The following PTPRT variants were observed in gnomAD, a reference collection of about 807,000 sequenced individuals.
The protein encoded by PTPRT is receptor-type tyrosine-protein phosphatase T.
In PTPRT, 56 loss-of-function variants were observed where a neutral mutation model predicts 176.8. The observed-to-expected ratio is 0.32, with a 90% CI of 0.26 to 0.40. PTPRT has a LOEUF of 0.40. Among genes scored for constraint, PTPRT ranks in the 10% least tolerant of loss-of-function variants. The pLI is 1.00. For synonymous variants in PTPRT, 783 were observed against 739.0 expected (o/e 1.06, Z -0.96); for missense variants, 1,540 against 1,908.2 (o/e 0.81, Z 3.60).
chr20:42,298,338 C>A (rs902588734), intron 12 of PTPRT, among the ~76,000 whole-genome samples: 1 of 152,078 alleles, frequency 6.6e-6, no homozygotes. Context: ...GAAAGTTAGA[C>A]CACACAAACT....
At position 42,098,572 on chromosome 20, in the gene PTPRT, G is replaced by C; in HGVS notation, c.3715-20C>G. On this transcript the variant is annotated intron_variant, in intron 26 of 30. Coordinates refer to ENST00000373187, the MANE Select transcript of PTPRT (RefSeq NM_007050.6). ...GTGGCTCTGACAAAGGAATGACACAGGCTTCGTAAATTACACATCCATCAG... is the reference window on the plus strand; with the variant it reads ...GTGGCTCTGACAAAGGAATGACACACGCTTCGTAAATTACACATCCATCAG... 6.2e-7 allele frequency: 1 copy of C among 1,613,750 alleles called. No homozygotes were observed. Among genetic ancestry groups the C allele is most frequent in the Non-Finnish European group, 8.5e-7 (1 of 1,179,846 alleles).
intron 17 of PTPRT, among the ~76,000 whole-genome samples, chr20:42,154,583 C>G (rs1210518635): frequency 1.3e-5 from 2 of 152,220 alleles, no homozygotes; most frequent in African/African-American, 4.8e-5. Context: ...CTGTAATAAC[C>G]AGTACCTTCT....
intron 1 of PTPRT, among the ~76,000 whole-genome samples, chr20:42,992,931 T>C (rs1984002306): frequency 6.6e-6 from 1 of 152,096 alleles, no homozygotes; most frequent in Admixed American, 6.5e-5. Flanking sequence ...TGTTACATGG[T>C]GACACAGAAC....
At chr20:43,117,815 C>T (rs1404301140) in intron 1 of PTPRT, among the ~76,000 whole-genome samples, 2 of 152,114 alleles carry the variant, frequency 1.3e-5, no homozygotes, top group Admixed American at 1.3e-4. Context: ...GGAAGCAATT[C>T]GCTCTCATTT....
intron 1 of PTPRT, among the ~76,000 whole-genome samples, chr20:43,108,046 T>G (rs78974092): frequency 6.6e-6 from 1 of 151,776 alleles, no homozygotes; most frequent in Non-Finnish European, 1.5e-5. Flanking sequence ...ATATCTCCCA[T>G]CTCCATTTCT....
At chr20:42,460,490 G>A (rs1205318043) in intron 8 of PTPRT, among the ~76,000 whole-genome samples, 1 of 152,188 alleles carries the variant, frequency 6.6e-6, no homozygotes, top group Non-Finnish European at 1.5e-5. Flanking sequence ...ATGGGAAAGA[G>A]TCCCAAGAAC....
intron 27 of PTPRT, among the ~76,000 whole-genome samples, chr20:42,096,137 A>G (rs546884343): frequency 4.7e-4 from 71 of 152,166 alleles, no homozygotes; most frequent in African/African-American, 1.7e-3. Context: ...CCTCCTGGCC[A>G]CTTCTGCAGT....
intron 6 of PTPRT, among the ~76,000 whole-genome samples, chr20:42,702,241 C>T (rs545179195): frequency 2.0e-5 from 3 of 152,238 alleles, no homozygotes; most frequent in African/African-American, 7.2e-5. Context: ...CATGATGGGC[C>T]TATTCTGACA....
At chr20:42,255,853 C>T (rs2056628772) in intron 13 of PTPRT, among the ~76,000 whole-genome samples, 1 of 152,186 alleles carries the variant, frequency 6.6e-6, no homozygotes, top group South Asian at 2.1e-4. Context: ...ATAAAGAAAG[C>T]AACCCGGCTC....
chr20:42,300,117 G>C (rs2057441507), intron 12 of PTPRT, among the ~76,000 whole-genome samples: 2 of 151,872 alleles, frequency 1.3e-5, no homozygotes, highest in Admixed American at 6.6e-5. Context: ...AATTAGCTGG[G>C]CATGATGGCC....
intron 16 of PTPRT, among the ~76,000 whole-genome samples, chr20:42,165,641 T>C (rs558187960): frequency 3.3e-5 from 5 of 152,248 alleles, no homozygotes; most frequent in Non-Finnish European, 7.3e-5. Context: ...TAATCACATG[T>C]GGCTACTGAG....
chr20:42,621,508 A>T (rs2074196068), intron 7 of PTPRT, among the ~76,000 whole-genome samples: 1 of 152,152 alleles, frequency 6.6e-6, no homozygotes, highest in Non-Finnish European at 1.5e-5. Context: ...CCTGCCATGG[A>T]TTCCTCCATT....
At chr20:42,633,949 T>C (rs1307122053) in intron 7 of PTPRT, among the ~76,000 whole-genome samples, 1 of 44,544 alleles carries the variant, frequency 2.2e-5, no homozygotes, top group Non-Finnish European at 3.9e-5. Context: ...TAATATAATA[T>C]ATAATTATAT....
At chr20:42,937,569 T>TA (rs1980270232) in intron 1 of PTPRT, among the ~76,000 whole-genome samples, 1 of 152,220 alleles carries the variant, frequency 6.6e-6, no homozygotes, top group Non-Finnish European at 1.5e-5. Context: ...CTATAGTTTC[T>TA]ATTCATTGGC....
chr20:42,823,571 C>T (rs1448583974), intron 2 of PTPRT, among the ~76,000 whole-genome samples: 1 of 151,962 alleles, frequency 6.6e-6, no homozygotes, highest in Non-Finnish European at 1.5e-5. Flanking sequence ...CTCACATCCT[C>T]CTCAAAAAAA....
chr20:43,056,993 G>A (rs1987263009), intron 1 of PTPRT, among the ~76,000 whole-genome samples: 1 of 151,824 alleles, frequency 6.6e-6, no homozygotes, highest in Admixed American at 6.6e-5. Flanking sequence ...GAATCTCCAG[G>A]GCATTGTGCT....
chr20:42,995,546 C>T (rs1158743731), intron 1 of PTPRT, among the ~76,000 whole-genome samples: 1 of 152,114 alleles, frequency 6.6e-6, no homozygotes, highest in East Asian at 1.9e-4. Context: ...AATGTGCCAT[C>T]CTGACATTGT....
At position 42,527,164 on chromosome 20, in the gene PTPRT, C is replaced by T. The variant is rs369574961; in HGVS notation, c.1154-54602G>A. Among the ~76,000 whole-genome samples the T allele has an allele frequency of 5.3e-5, 8 of 151,896 alleles. No homozygotes were observed. In the East Asian group the frequency reaches 5.8e-4, roughly 11 times the overall value. The stretch of plus-strand genomic sequence containing the variant: ...ATTTTTAGTAGAGACGGGGTTTCAC[C>T]GTGTTAGCCAGGATGGTCTCTATCT... On this transcript the variant is annotated intron_variant, in intron 7 of 30. Coordinates refer to ENST00000373187, the MANE Select transcript of PTPRT (RefSeq NM_007050.6).
chr20:42,483,587 G>C (rs1601107453), intron 7 of PTPRT, among the ~76,000 whole-genome samples: 3 of 152,172 alleles, frequency 2.0e-5, no homozygotes, highest in Non-Finnish European at 4.4e-5. Context: ...ATGTAAAATT[G>C]GGTCCAATCA....
Sources: allele counts gnomAD v4.1 joint callset (sites outside exome capture counted in the v4.1 genomes callset), GRCh38; gene constraint gnomAD v4.1.1; transcripts MANE v1.5; gene names NCBI Gene and HGNC (gene_info 2026-07-23, HGNC 2026-07-21).